The following RDX variants were observed in gnomAD, a reference collection of about 807,000 sequenced individuals.
The protein encoded by RDX is deafness, autosomal recessive 24.
A neutral mutation model predicts 83.7 loss-of-function variants in RDX; 32 were observed. That is an observed-to-expected ratio of 0.38 (90% confidence interval 0.29 to 0.51). The LOEUF (loss-of-function observed/expected upper bound fraction) is 0.51, where lower values mean the gene tolerates loss of function less well. Ranked by LOEUF, RDX falls within the 20% of genes least tolerant of loss-of-function variation. The probability of loss-of-function intolerance (pLI) is 0.87; values close to 1 mark genes in which losing one functional copy is unlikely to be tolerated. For missense variants in RDX, 600 were observed against 689.9 expected, an observed-to-expected ratio of 0.87 and a Z score of 1.46; for synonymous variants, 229 against 222.7, an observed-to-expected ratio of 1.03 and a Z score of -0.25.
intron 15 of RDX, among the ~76,000 whole-genome samples, chr11:110,191,796 C>T (rs7932527): frequency 0.017 from 2,538 of 152,222 alleles, 87 homozygotes; most frequent in African/African-American, 0.056. Context: ...GTGGAAGTTG[C>T]AGCGAGCCGA....
chr11:110,207,486 C>T (rs1863648978), intron 14 of RDX, among the ~76,000 whole-genome samples: 1 of 152,156 alleles, frequency 6.6e-6, no homozygotes, highest in Admixed American at 6.5e-5. Context: ...TAATAGTCAT[C>T]CAGACAGAAA....
intron 2 of RDX, 148 bp from the exon 3 acceptor site, chr11:110,272,767 C>T (rs1565327856): frequency 6.1e-6 from 4 of 651,504 alleles, no homozygotes; most frequent in Non-Finnish European, 1.1e-5. Flanking sequence ...CTTATAAAGT[C>T]CTCATTTAGG....
At chr11:110,220,446 C>T (rs530732962) in intron 14 of RDX, among the ~76,000 whole-genome samples, 41 of 152,282 alleles carry the variant, frequency 2.7e-4, no homozygotes, top group African/African-American at 9.4e-4. Flanking sequence ...AAGATTCAAA[C>T]CCGAGGTGGG....
intron 15 of RDX, among the ~76,000 whole-genome samples, chr11:110,199,285 C>A (rs1344366885): frequency 6.6e-6 from 1 of 152,126 alleles, no homozygotes; most frequent in Non-Finnish European, 1.5e-5. Context: ...ACAGGTAAAA[C>A]ATCATTTTAA....
chr11:110,244,144 T>C (rs960308628), intron 10 of RDX, among the ~76,000 whole-genome samples: 2 of 151,680 alleles, frequency 1.3e-5, no homozygotes, highest in East Asian at 1.9e-4. Context: ...ATATACCATA[T>C]CCATAAAATG....
chr11:110,259,544 G>T (rs1261943727), intron 5 of RDX, among the ~76,000 whole-genome samples: 1 of 152,106 alleles, frequency 6.6e-6, no homozygotes, highest in African/African-American at 2.4e-5. Flanking sequence ...TCCTTAAAGG[G>T]GTCTCAGACA....
At chr11:110,268,989 A>C (rs1860181512) in intron 3 of RDX, among the ~76,000 whole-genome samples, 1 of 149,636 alleles carries the variant, frequency 6.7e-6, no homozygotes, top group Admixed American at 6.7e-5. Context: ...ATATTTTTTT[A>C]ATTAATTTAT....
intron 14 of RDX, among the ~76,000 whole-genome samples, chr11:110,208,353 A>G (rs895824504): frequency 1.4e-4 from 22 of 152,272 alleles, no homozygotes; most frequent in African/African-American, 5.3e-4. Context: ...ATGCTGCCTG[A>G]TAACTTCATT....
At chr11:110,263,934 A>G (rs1591164971) in intron 5 of RDX, 26 bp downstream of exon 5, 2 of 1,606,866 alleles carry the variant, frequency 1.2e-6, no homozygotes, top group South Asian at 2.2e-5. Flanking sequence ...TTCAGACAAT[A>G]TAATGCAAAC....
chr11:110,176,068 TTTTTTC>T (rs933218309), intron 15 of RDX, among the ~76,000 whole-genome samples: 7 of 150,396 alleles, frequency 4.7e-5, no homozygotes, highest in Non-Finnish European at 7.4e-5. Flanking sequence ...GCACCAGCCT[TTTTTTC>T]TTTTTCTTTT....
Position 110,232,165 on chromosome 11 carries a change from G to A in RDX, c.1588-132C>T, listed in dbSNP as rs555612883. 6 of 737,908 alleles carry A rather than the reference G, an allele frequency of 8.1e-6. No individual in the cohort carries two copies. In the African/African-American group the frequency reaches 8.8e-5, roughly 11 times the overall value. The allele number at this position is 737,908 out of a possible 1,614,324, so 45.7% of individuals were successfully genotyped here. On this transcript the variant is annotated intron_variant, in intron 13 of 13. Transcript: ENST00000645495. ...GTGAAACCTTTTTCTTTAGGTATAA[G>A]TTTGTTTTAGTAATAGTGGTGGCAG...
At chr11:110,209,495 A>G (rs1460926367) in intron 14 of RDX, among the ~76,000 whole-genome samples, 1 of 152,248 alleles carries the variant, frequency 6.6e-6, no homozygotes, top group Non-Finnish European at 1.5e-5. Flanking sequence ...CCACAGCTCA[A>G]GGAGGACTGC....
chr11:110,237,676 C>G (rs770664809), intron 10 of RDX, 24 bp from the exon 11 acceptor site: 5 of 1,610,890 alleles, frequency 3.1e-6, no homozygotes, highest in Non-Finnish European at 4.2e-6. Context: ...GTATTCCCCC[C>G]AACAGTGATT....
Position 110,262,306 on chromosome 11 carries a change from T to C in RDX, c.467+1654A>G, listed in dbSNP as rs190011387. On this transcript the variant is annotated intron_variant, in intron 5 of 13. Transcript: ENST00000645495. ...TGACATTTAATAATTGAATTTTGGC[T>C]GAGCATGGTGACTCACGCCTATAAT... Among the ~76,000 whole-genome samples, 309 of 152,248 alleles carry C rather than the reference T, an allele frequency of 2.0e-3. 1 individual carries two copies. Among genetic ancestry groups the C allele is most frequent in the South Asian group, 4.6e-3 (22 of 4,828 alleles).
chr11:110,250,353 T>C (rs563922402), intron 9 of RDX, among the ~76,000 whole-genome samples: 1 of 152,332 alleles, frequency 6.6e-6, no homozygotes, highest in South Asian at 2.1e-4. Flanking sequence ...GGATGTTGAT[T>C]AGACTACCCA....
Position 110,237,528 on chromosome 11 carries a change from T to G in RDX, c.1215A>C (p.Lys405Asn). 1 of 1,613,202 alleles carries G rather than the reference T, an allele frequency of 6.2e-7. No homozygotes were observed. The highest frequency in any genetic ancestry group is 8.5e-7 in the Non-Finnish European group (1 of 1,180,036). ...GATTCTTCATCTGGTCGGCAGCTTG[T>G]TTTGCTATGGCAGACTTTGCCTCTT... The part of the protein sequence containing the change: ...AAEEAKSAIA[K>N]QAADQMKNQE... The change falls in exon 11 of 14, where the codon AAA becomes AAC. Residue 405 changes from lysine (K) to asparagine (N), a missense_variant. Transcript: ENST00000645495.
chr11:110,221,210 C>CT (rs1864234818), intron 14 of RDX, among the ~76,000 whole-genome samples: 1 of 152,144 alleles, frequency 6.6e-6, no homozygotes, highest in Admixed American at 6.5e-5. Flanking sequence ...GATGTTTCTT[C>CT]TATGTTATTA....
chr11:110,182,051 A>C (rs1349645850), intron 15 of RDX, among the ~76,000 whole-genome samples: 4 of 152,104 alleles, frequency 2.6e-5, no homozygotes, highest in Non-Finnish European at 4.4e-5. Flanking sequence ...CCAGCACAAG[A>C]GAAGGTGGGG....
intron 10 of RDX, among the ~76,000 whole-genome samples, chr11:110,246,875 G>T (rs1251573937): frequency 1.3e-5 from 2 of 152,114 alleles, no homozygotes; most frequent in Non-Finnish European, 2.9e-5. Flanking sequence ...TTCAACCTGT[G>T]TTGGCTATTT....
Sources: gnomAD v4.1 joint callset for allele counts (sites outside exome capture counted in the v4.1 genomes callset) on GRCh38, gnomAD v4.1.1 for gene constraint, MANE v1.5 for transcripts, NCBI Gene and HGNC (gene_info 2026-07-23, HGNC 2026-07-21) for gene names.